The following POLR1A variants were observed in gnomAD, a reference collection of about 807,000 sequenced individuals.
The protein encoded by POLR1A is RNA polymerase I subunit A, also known as DNA-directed RNA polymerase I subunit RPA1.
A neutral mutation model predicts 205.3 loss-of-function variants in POLR1A; 84 were observed. The ratio of observed to expected loss-of-function variants is 0.41; its 90% CI spans 0.34 to 0.49. The LOEUF (loss-of-function observed/expected upper bound fraction) is 0.49, where lower values mean the gene tolerates loss of function less well. POLR1A is among the 20% of genes least tolerant of loss of function. The pLI, the probability that POLR1A is intolerant of heterozygous loss-of-function variation, is 0.22. For synonymous variants in POLR1A, 799 were observed against 863.7 expected (o/e 0.93, Z 1.31); for missense variants, 1,645 against 2,204.5 (o/e 0.75, Z 5.08).
At chr2:86,058,134 T>C (rs1672930401) in intron 14 of POLR1A, among the ~76,000 whole-genome samples, 2 of 152,212 alleles carry the variant, frequency 1.3e-5, no homozygotes, top group Non-Finnish European at 2.9e-5. Flanking sequence ...GGAGTCTCGC[T>C]CTGTCGCCCA....
At chr2:86,051,122 A>C (rs1250741426) in intron 16 of POLR1A, among the ~76,000 whole-genome samples, 1 of 152,214 alleles carries the variant, frequency 6.6e-6, no homozygotes, top group African/African-American at 2.4e-5. Context: ...TAAGAATGGA[A>C]TAATCTGTAA....
At chr2:86,056,065 A>G (rs1672890964) in intron 14 of POLR1A, among the ~76,000 whole-genome samples, 1 of 152,002 alleles carries the variant, frequency 6.6e-6, no homozygotes, top group Non-Finnish European at 1.5e-5. Context: ...GAGCTTGTAA[A>G]TGACTTATTC....
rs1196069802 is a variant in POLR1A, at chr2:86,031,549, C to T, written c.4359G>A (p.Arg1453=). The T allele has an allele frequency of 6.2e-7, 1 of 1,614,174 alleles. No homozygotes were observed. Residue 1453 remains arginine (R), a synonymous_variant, in exon 30 of 34, where the codon AGG becomes AGA. Transcript: ENST00000263857. ...EDMQEERNPH[R]EGARKTQEQD... ...GCTCTTGGGTCTTTCGAGCACCTTCCCTGTGGGGATTTCGTTCCTCCTGCA... is the reference window on the plus strand; with the variant it reads ...GCTCTTGGGTCTTTCGAGCACCTTCTCTGTGGGGATTTCGTTCCTCCTGCA...
intron 7 of POLR1A, among the ~76,000 whole-genome samples, chr2:86,082,385 G>A (rs1481684553): frequency 1.3e-5 from 2 of 151,896 alleles, no homozygotes; most frequent in Non-Finnish European, 2.9e-5. Flanking sequence ...TTTTTTTTAA[G>A]TTAGCCTCCT....
chr2:86,065,079 T>A (rs556238022), intron 14 of POLR1A, among the ~76,000 whole-genome samples, 195 bp downstream of exon 14: 1 of 152,264 alleles, frequency 6.6e-6, no homozygotes, highest in African/African-American at 2.4e-5. Context: ...CAGGCTACTA[T>A]GCAGTCTACT....
chr2:86,086,059 C>CT (rs70953983), intron 6 of POLR1A, among the ~76,000 whole-genome samples: 24 of 148,954 alleles, frequency 1.6e-4, no homozygotes, highest in East Asian at 2.0e-4. Flanking sequence ...ACAGCCCTCA[C>CT]TTTTTTTTTT....
At chr2:86,086,417 A>G (rs1673505646) in intron 6 of POLR1A, among the ~76,000 whole-genome samples, 1 of 152,174 alleles carries the variant, frequency 6.6e-6, no homozygotes, top group Non-Finnish European at 1.5e-5. Flanking sequence ...CTCTGATACC[A>G]GGAACATGGT....
chr2:86,088,689 T>C lies in POLR1A; in HGVS notation c.627-20A>G. On this transcript the variant is annotated intron_variant, in intron 5 of 33. Transcript: ENST00000263857. The stretch of plus-strand genomic sequence containing the variant: ...CCGGTCCTGTGCAGGAGGACAGTTG[T>C]GATTGAAGAGAGAAAAAACCCAGTA... 6.2e-7 allele frequency: 1 copy of C among 1,608,564 alleles called. No individual in the cohort carries two copies. Among genetic ancestry groups the C allele is most frequent in the Non-Finnish European group, 8.5e-7 (1 of 1,175,030 alleles).
Position 86,038,603 on chromosome 2 carries a change from C to T in POLR1A, c.4034+97G>A, listed in dbSNP as rs1444894564. ...TGAAGGGCTCATTTGGGCAAAGGCACTCAATCTCTAGGAGCCTTGTGGCTA... is the reference window on the plus strand; with the variant it reads ...TGAAGGGCTCATTTGGGCAAAGGCATTCAATCTCTAGGAGCCTTGTGGCTA... On this transcript the variant is annotated intron_variant, in intron 27 of 33. Transcript: ENST00000263857. The T allele has an allele frequency of 3.2e-6, 4 of 1,243,726 alleles. No individual in the cohort carries two copies. In the East Asian group the frequency reaches 9.4e-5, roughly 29 times the overall value. 77.0% of individuals were successfully genotyped at this position (1,243,726 alleles called of 1,614,324 possible).
chr2:86,096,938 TAGG>T (rs1673715241), intron 3 of POLR1A, among the ~76,000 whole-genome samples: 1 of 152,038 alleles, frequency 6.6e-6, no homozygotes, highest in African/African-American at 2.4e-5. Context: ...ACCTACGGAA[TAGG>T]AGAAAATATT....
rs540066025 is a variant in POLR1A at position 86,035,655 on chromosome 2, C to A, written c.4035-1868G>T. ...TCTGGCCTCAACTCTAACTGCCCAT[C>A]TGCTCCCTCCACCCTGTGCACCCTT... On this transcript the variant is annotated intron_variant, in intron 27 of 33. Coordinates refer to ENST00000263857, the MANE Select transcript of POLR1A (RefSeq NM_015425.6). Among the ~76,000 whole-genome samples the A allele has an allele frequency of 2.0e-5, 3 of 152,366 alleles. No homozygotes were observed. In the South Asian group the frequency reaches 6.2e-4, roughly 32 times the overall value.
chr2:86,034,012 GC>G, intron 27 of POLR1A, among the ~76,000 whole-genome samples: 1 of 152,320 alleles, frequency 6.6e-6, no homozygotes, highest in East Asian at 1.9e-4. Context: ...CTCAATAGGT[GC>G]ACTGCCACTC....
intron 26 of POLR1A, 73 bp downstream of exon 26, chr2:86,039,254 T>C: frequency 6.5e-7 from 1 of 1,527,996 alleles, no homozygotes; most frequent in Non-Finnish European, 9.0e-7. Flanking sequence ...AAGCAAAGCC[T>C]GTTCTTCACA....
At chr2:86,041,727 G>A (rs1047428966) in intron 24 of POLR1A, among the ~76,000 whole-genome samples, 162 bp downstream of exon 24, 2 of 152,170 alleles carry the variant, frequency 1.3e-5, no homozygotes, top group Non-Finnish European at 2.9e-5. Flanking sequence ...TGGGCCCTTG[G>A]GGCTTGTGCG....
intron 24 of POLR1A, among the ~76,000 whole-genome samples, chr2:86,041,157 G>A (rs1314696475): frequency 1.2e-5 from 1 of 86,102 alleles, no homozygotes; most frequent in African/African-American, 4.8e-5. Context: ...CACTGTGTGT[G>A]TGTGTGTGTG....
chr2:86,044,329 C>T, intron 21 of POLR1A, 25 bp from the exon 22 acceptor site: 1 of 1,612,990 alleles, frequency 6.2e-7, no homozygotes, highest in Non-Finnish European at 8.5e-7. Flanking sequence ...TCGGCTCAGT[C>T]CCCGCCGGCC....
chr2:86,032,647 A>G (rs1277519654), intron 28 of POLR1A, among the ~76,000 whole-genome samples: 1 of 152,112 alleles, frequency 6.6e-6, no homozygotes, highest in Non-Finnish European at 1.5e-5. Context: ...ATTCCCAAAA[A>G]TTAAAAAAAA....
chr2:86,047,630 T>C (rs777136520), intron 18 of POLR1A, among the ~76,000 whole-genome samples: 11 of 152,206 alleles, frequency 7.2e-5, no homozygotes, highest in Admixed American at 2.0e-4. Flanking sequence ...GTGATGCCCT[T>C]GATTCGCCCA....
chr2:86,077,629 T>C, intron 11 of POLR1A, among the ~76,000 whole-genome samples: 1 of 152,134 alleles, frequency 6.6e-6, no homozygotes, highest in Admixed American at 6.5e-5. Context: ...TCTGTAAGCC[T>C]AGCAAGGAGT....
Sources: allele counts gnomAD v4.1 joint callset (sites outside exome capture counted in the v4.1 genomes callset), GRCh38; gene constraint gnomAD v4.1.1; transcripts MANE v1.5; gene names NCBI Gene and HGNC (gene_info 2026-07-23, HGNC 2026-07-21).